Variants in SLC44A5 observed in about 807,000 individuals in gnomAD.
SLC44A5 encodes the protein solute carrier family 44 member 5, also known as choline transporter-like protein 5.
A neutral mutation model predicts 101.8 loss-of-function variants in SLC44A5; 57 were observed. The ratio of observed to expected loss-of-function variants is 0.56; its 90% CI spans 0.45 to 0.70. SLC44A5 has a LOEUF of 0.70. Among genes scored for constraint, SLC44A5 ranks in the 30% least tolerant of loss-of-function variants. SLC44A5 has a pLI of 0.00. For missense variants in SLC44A5, 737 were observed against 853.1 expected (o/e 0.86, Z 1.70); for synonymous variants, 281 against 290.9 (o/e 0.97, Z 0.35).
intron 6 of SLC44A5, among the ~76,000 whole-genome samples, chr1:75,264,023 T>A (rs557122765): frequency 6.6e-6 from 1 of 151,360 alleles, no homozygotes; most frequent in Admixed American, 6.6e-5. Context: ...GAGAAATACC[T>A]AGTGTAGACG....
chr1:75,207,379 A>G (rs1646768404), intron 23 of SLC44A5, among the ~76,000 whole-genome samples: 1 of 152,308 alleles, frequency 6.6e-6, no homozygotes, highest in South Asian at 2.1e-4. Flanking sequence ...TAATACATTA[A>G]TTTACCTTTC....
At chr1:75,718,888 CCTT>C in the SLC44A5 span, among the ~76,000 whole-genome samples, 1 of 152,122 alleles carries the variant, frequency 6.6e-6, no homozygotes, top group South Asian at 2.1e-4. Context: ...CAAAATTTGT[CCTT>C]CTCTCTATAT....
intron 2 of SLC44A5, among the ~76,000 whole-genome samples, chr1:75,416,937 TCA>T (rs1663687732): frequency 2.0e-5 from 3 of 152,218 alleles, no homozygotes; most frequent in Admixed American, 2.0e-4. Context: ...TTTTACAGGC[TCA>T]TAGGCAGAAG....
intron 1 of SLC44A5, among the ~76,000 whole-genome samples, chr1:75,573,803 G>GA (rs11318576): frequency 2.8e-4 from 42 of 149,424 alleles, no homozygotes; most frequent in East Asian, 1.4e-3. Context: ...AAGAAAGCCA[G>GA]AAAAAAAAAA....
chr1:75,419,766 C>T (rs923940964), intron 2 of SLC44A5, among the ~76,000 whole-genome samples: 1 of 152,030 alleles, frequency 6.6e-6, no homozygotes, highest in Non-Finnish European at 1.5e-5. Context: ...AAAGCAAAAA[C>T]AATATAAATG....
At chr1:75,565,221 C>T (rs535978041) in intron 1 of SLC44A5, among the ~76,000 whole-genome samples, 9 of 152,276 alleles carry the variant, frequency 5.9e-5, no homozygotes, top group Non-Finnish European at 1.3e-4. Context: ...CTATTTTCAT[C>T]GGAATATTCT....
chr1:75,655,457 C>G, the SLC44A5 span, among the ~76,000 whole-genome samples: 211 of 152,252 alleles, frequency 1.4e-3, no homozygotes, highest in African/African-American at 4.6e-3. Flanking sequence ...CCTAAAGTGG[C>G]CTTGGTCCCC....
At chr1:75,418,601 ATTTAGCCAGTATTACTGGAGGG>A in intron 2 of SLC44A5, among the ~76,000 whole-genome samples, 1 of 152,202 alleles carries the variant, frequency 6.6e-6, no homozygotes, top group Non-Finnish European at 1.5e-5. Flanking sequence ...GAATAAAAGG[ATTTAGCCAGTATTACTGGAGGG>A]TTTGAATGGA....
Position 75,242,138 on chromosome 1 carries a change from TA to T in SLC44A5, c.472-78del, listed in dbSNP as rs924372066. 3.4e-4 allele frequency: 374 copies of T among 1,111,982 alleles called. 1 individual carries two copies. The highest frequency in any genetic ancestry group is 4.1e-4 in the Non-Finnish European group (308 of 755,004). The allele number at this position is 1,111,982 out of a possible 1,614,324, so 68.9% of individuals were successfully genotyped here. The stretch of plus-strand genomic sequence containing the variant: ...TTATACTGAATCTAAATATGTCCTT[TA>T]AAAAATTTAACTCCATAATAATCTC... On this transcript the variant is annotated intron_variant, in intron 8 of 23. Coordinates refer to ENST00000370859, the MANE Select transcript of SLC44A5 (RefSeq NM_001130058.2).
intron 1 of SLC44A5, among the ~76,000 whole-genome samples, chr1:75,587,689 G>T (rs934325012): frequency 6.6e-6 from 1 of 152,088 alleles, no homozygotes; most frequent in Non-Finnish European, 1.5e-5. Context: ...GTCTAATATT[G>T]GTTTAAAACA....
intron 1 of SLC44A5, among the ~76,000 whole-genome samples, chr1:75,566,361 G>A (rs963339044): frequency 6.6e-6 from 1 of 152,104 alleles, no homozygotes; most frequent in African/African-American, 2.4e-5. Context: ...AAAAGAATAA[G>A]AATGAGTCTG....
chr1:75,501,509 G>GT (rs1668957079), intron 2 of SLC44A5, among the ~76,000 whole-genome samples: 1 of 152,200 alleles, frequency 6.6e-6, no homozygotes, highest in Non-Finnish European at 1.5e-5. Flanking sequence ...GAGCATTCCA[G>GT]TAAGCATAAC....
intron 22 of SLC44A5, 151 bp from the exon 23 acceptor site, chr1:75,211,703 A>T (rs750536693): frequency 3.7e-6 from 2 of 533,890 alleles, no homozygotes. Flanking sequence ...TTCAATGATA[A>T]TGCTTCTGCA....
intron 2 of SLC44A5, among the ~76,000 whole-genome samples, chr1:75,410,857 C>G (rs1270249333): frequency 6.6e-6 from 1 of 152,086 alleles, no homozygotes; most frequent in East Asian, 1.9e-4. Flanking sequence ...TCTTGAGCAG[C>G]TGCTCTGTGC....
At chr1:75,251,094 A>G (rs1340091759) in intron 7 of SLC44A5, 116 bp downstream of exon 7, 1 of 761,842 alleles carries the variant, frequency 1.3e-6, no homozygotes, top group Non-Finnish European at 2.3e-6. Context: ...CTAGAAATTC[A>G]TAATGAACCC....
intron 2 of SLC44A5, among the ~76,000 whole-genome samples, chr1:75,439,546 T>G (rs1333625855): frequency 7.1e-6 from 1 of 140,570 alleles, no homozygotes; most frequent in Non-Finnish European, 1.6e-5. Context: ...AGTGAGACCC[T>G]GTCTCTAAGG....
chr1:75,544,885 C>A (rs1257092594), intron 1 of SLC44A5, among the ~76,000 whole-genome samples: 1 of 151,654 alleles, frequency 6.6e-6, no homozygotes, highest in Non-Finnish European at 1.5e-5. Context: ...TTTTTTATAC[C>A]TTAAGTTCTG....
chr1:75,388,987 G>T (rs528343302), intron 3 of SLC44A5, among the ~76,000 whole-genome samples: 1 of 151,496 alleles, frequency 6.6e-6, no homozygotes. Flanking sequence ...ATAGAAAAAG[G>T]TCTATCAAAT....
chr1:75,203,380 T>C lies in SLC44A5; in HGVS notation c.*347A>G, dbSNP rs1646694801. 1 of 161,330 alleles carries C rather than the reference T, an allele frequency of 6.2e-6. No homozygotes were observed. 10.0% of individuals were successfully genotyped at this position (161,330 alleles called of 1,614,324 possible). A position where few individuals can be genotyped will look rare whatever the true frequency, so the allele number is the denominator to read the frequency against. ...TCTTTTAGTTGTAATTTTAAAAATA[T>C]ATTAGGAGCTATCAATTTAAGTAAT... is the stretch of plus-strand genomic sequence containing the variant. On this transcript the variant is annotated 3_prime_UTR_variant, in exon 24 of 24. Coordinates refer to ENST00000370859, the MANE Select transcript of SLC44A5 (RefSeq NM_001130058.2).
Sources: allele counts gnomAD v4.1 joint callset (sites outside exome capture counted in the v4.1 genomes callset), GRCh38; gene constraint gnomAD v4.1.1; transcripts MANE v1.5; gene names NCBI Gene and HGNC (gene_info 2026-07-23, HGNC 2026-07-21).